The following TK1 variants were observed in gnomAD, a reference collection of about 807,000 sequenced individuals.
TK1 encodes thymidine kinase 1.
Under a neutral mutation model 22.4 loss-of-function variants are expected in TK1, and 13 were observed. That is an observed-to-expected ratio of 0.58 (90% CI 0.38 to 0.92). The LOEUF (loss-of-function observed/expected upper bound fraction) is 0.92, where lower values mean the gene tolerates loss of function less well. Ranked by LOEUF, TK1 falls within the 40% of genes least tolerant of loss-of-function variation. The pLI is 0.00. For synonymous variants in TK1, 134 were observed against 125.4 expected (o/e 1.07, Z -0.46); for missense variants, 251 against 315.7 (o/e 0.80, Z 1.55).
chr17:78,175,524 C>T lies in TK1; in HGVS notation c.393+5G>A, dbSNP rs1363230265. On this transcript the variant is annotated splice_donor_5th_base_variant and intron_variant, in intron 5 of 6. Transcript: ENST00000301634. ...CCAGCTCCAGACCTGGATCAGACGC[C>T]TTACCTTCCTCTGGAAGGTCCCATC... 6.2e-7 allele frequency: 1 copy of T among 1,612,618 alleles called. No homozygotes were observed. Among genetic ancestry groups the T allele is most frequent in the Non-Finnish European group, 8.5e-7 (1 of 1,179,370 alleles).
At chr17:78,179,436 T>C (rs769693130) in intron 4 of TK1, 1 of 985,308 alleles carries the variant, frequency 1.0e-6, no homozygotes, top group Non-Finnish European at 1.2e-6. Context: ...AGAAACGGAA[T>C]GGCCATACCC....
rs560357822 is a variant in TK1, at chr17:78,182,371, CAA to C, written c.303+216_303+217del. On this transcript the variant is annotated intron_variant, in intron 4 of 6. Transcript: ENST00000301634. Reference sequence around the variant, plus strand: ...GGGCAACAAGAGCAAAACTCCGTCTCAAAAAAAAAAAAAAAAAAGTAAAACGA... The same window carrying C: ...GGGCAACAAGAGCAAAACTCCGTCTCAAAAAAAAAAAAAAAAGTAAAACGA... Among the ~76,000 whole-genome samples, 502 of 82,212 alleles carry C rather than the reference CAA, an allele frequency of 6.1e-3. 2 individuals are homozygous for C. The highest frequency in any genetic ancestry group is 0.023 in the African/African-American group (443 of 18,944). The allele number at this position is 82,212 out of a possible 152,430, so 53.9% of individuals were successfully genotyped here.
rs2075771710 is a variant in TK1 at position 78,185,089 on chromosome 17, T to C, written c.175A>G (p.Thr59Ala). 6.2e-7 allele frequency: 1 copy of C among 1,610,164 alleles called. No homozygotes were observed. The highest frequency in any genetic ancestry group is 1.4e-5 in the African/African-American group (1 of 73,690). Residue 59 changes from threonine to alanine, a missense_variant, in exon 3 of 7, where the codon ACT (threonine) becomes GCT (alanine). By Grantham distance (58) the Thr-to-Ala change is moderately conservative. Transcript: ENST00000301634. Reference sequence around the variant, plus strand: ...GTGCAGAAGCTGCTGCTGTAGCGAGTGTCTTTGGCATACTTGATCACCAGG... The same window carrying C: ...GTGCAGAAGCTGCTGCTGTAGCGAGCGTCTTTGGCATACTTGATCACCAGG... ...KCLVIKYAKD[T>A]RYSSSFCTHD...
In TK1 at chr17:78,185,182, G is replaced by A. The variant is rs552553424; in HGVS notation, c.99-17C>T. The A allele has an allele frequency of 3.7e-6, 6 of 1,602,468 alleles. No individual in the cohort carries two copies. Among genetic ancestry groups the A allele is most frequent in the Non-Finnish European group, 5.1e-6 (6 of 1,170,224 alleles). Reference sequence around the variant, plus strand: ...AACTCTGTGCTGCAAGAGGAGAGAGGGTCAGGTGAGGTCCACGGCGGGAGG... The same window carrying A: ...AACTCTGTGCTGCAAGAGGAGAGAGAGTCAGGTGAGGTCCACGGCGGGAGG... On this transcript the variant is annotated splice_polypyrimidine_tract_variant and intron_variant, in intron 2 of 6. Coordinates refer to ENST00000301634, the MANE Select transcript of TK1 (RefSeq NM_003258.5).
chr17:78,179,397 G>A (rs1280656101), intron 4 of TK1: 1 of 985,216 alleles, frequency 1.0e-6, no homozygotes, highest in Admixed American at 6.2e-5. Flanking sequence ...AGAGGCATGG[G>A]GGTGCTCAGG....
At position 78,174,750 on chromosome 17, in the gene TK1, G is replaced by A. The variant is rs113646985; in HGVS notation, c.*9C>T. 119 of 1,587,048 alleles carry A rather than the reference G, an allele frequency of 7.5e-5. No homozygotes were observed. The highest frequency in any genetic ancestry group is 9.6e-5 in the Non-Finnish European group (112 of 1,167,422). On this transcript the variant is annotated 3_prime_UTR_variant, in exon 7 of 7. Transcript: ENST00000301634. Reference sequence around the variant, plus strand: ...GGCAGGAAGGGAGCGGGCGGCCCTCGCAGGTCCCTCAGTTGGCAGGGCTGC... The same window carrying A: ...GGCAGGAAGGGAGCGGGCGGCCCTCACAGGTCCCTCAGTTGGCAGGGCTGC...
At chr17:78,175,442 G>T in intron 5 of TK1, 87 bp downstream of exon 5, 1 of 1,355,920 alleles carries the variant, frequency 7.4e-7, no homozygotes, top group Non-Finnish European at 1.0e-6. Context: ...GCTGAGCCCT[G>T]GTCACCCAGA....
intron 4 of TK1, among the ~76,000 whole-genome samples, chr17:78,178,997 A>G (rs2075720354): frequency 6.6e-6 from 1 of 152,124 alleles, no homozygotes; most frequent in African/African-American, 2.4e-5. Flanking sequence ...AGACCGAGAA[A>G]TCCCTCCTAT....
chr17:78,182,849 G>A (rs2041457970), intron 3 of TK1, among the ~76,000 whole-genome samples, 167 bp from the exon 4 acceptor site: 1 of 152,202 alleles, frequency 6.6e-6, no homozygotes, highest in South Asian at 2.1e-4. Context: ...CCCTCGTCCA[G>A]AAAACCAGTT....
chr17:78,182,927 C>T (rs1195993075), intron 3 of TK1, among the ~76,000 whole-genome samples: 2 of 152,148 alleles, frequency 1.3e-5, no homozygotes, highest in South Asian at 2.1e-4. Context: ...GGCGCCATCT[C>T]GGCTCCCTGC....
chr17:78,182,595 C>T lies in TK1; in HGVS notation c.297G>A (p.Gly99=), dbSNP rs774952568. The change falls in exon 4 of 7, where the codon GGG becomes GGA. Residue 99 remains glycine (G), a synonymous_variant. Coordinates refer to ENST00000301634, the MANE Select transcript of TK1 (RefSeq NM_003258.5). ...LGVAVIGIDE[G]QFFPDIVEFC... ...CCAAGACAAGCCAACTTACAAACTG[C>T]CCCTCGTCGATGCCTATGACAGCCA... is the stretch of plus-strand genomic sequence containing the variant. The T allele has an allele frequency of 7.6e-6, 12 of 1,581,694 alleles. No individual in the cohort carries two copies. The highest frequency in any genetic ancestry group is 9.5e-6 in the Non-Finnish European group (11 of 1,163,810).
At position 78,174,543 on chromosome 17, in the gene TK1, C is replaced by T. The variant is rs2075683106; in HGVS notation, c.*216G>A. 5.0e-6 allele frequency: 3 copies of T among 594,550 alleles called. No individual in the cohort carries two copies. The highest frequency in any genetic ancestry group is 8.7e-6 in the Non-Finnish European group (3 of 346,170). The allele number at this position is 594,550 out of a possible 1,614,324, so 36.8% of individuals were successfully genotyped here. A position where few individuals can be genotyped will look rare whatever the true frequency, so the allele number is the denominator to read the frequency against. On this transcript the variant is annotated 3_prime_UTR_variant, in exon 7 of 7. Coordinates refer to ENST00000301634, the MANE Select transcript of TK1 (RefSeq NM_003258.5). ...CCAGCTCCAGCCTGGGCGATCGTCC[C>T]AGCAGCTGAGAGGGAAGCTTTAAGC...
chr17:78,182,684 T>G lies in TK1; in HGVS notation c.210-2A>C. The G allele has an allele frequency of 6.4e-7, 1 of 1,569,162 alleles. No homozygotes were observed. ...GCGGGCAGTGCCTCCATGGTGTTCCTGGGAAGAGAAAGCCAGAGCGTGAGC... is the reference window on the plus strand; with the variant it reads ...GCGGGCAGTGCCTCCATGGTGTTCCGGGGAAGAGAAAGCCAGAGCGTGAGC... On this transcript the variant is annotated splice_acceptor_variant, in intron 3 of 6. Transcript: ENST00000301634. LOFTEE classifies it high-confidence loss of function.
intron 4 of TK1, 91 bp downstream of exon 4, chr17:78,182,498 A>G (rs1422183157): frequency 1.2e-5 from 12 of 1,008,676 alleles, no homozygotes; most frequent in Non-Finnish European, 8.4e-6. Flanking sequence ...TATTTTACTA[A>G]AAGATCAGAT....
chr17:78,175,308 T>G, intron 5 of TK1, 139 bp from the exon 6 acceptor site: 1 of 1,295,770 alleles, frequency 7.7e-7, no homozygotes, highest in Non-Finnish European at 1.0e-6. Flanking sequence ...CAGAGCACCA[T>G]GCCCGGCTCT....
intron 4 of TK1, chr17:78,179,695 CTG>C (rs2075725414): frequency 1.0e-6 from 1 of 985,454 alleles, no homozygotes; most frequent in East Asian, 1.1e-4. Context: ...CGGCCTGGCT[CTG>C]TGCTGGGAGG....
At chr17:78,177,575 AT>A (rs148116384) in intron 4 of TK1, among the ~76,000 whole-genome samples, 49,569 of 143,524 alleles carry the variant, frequency 0.35, 7,917 homozygotes, top group South Asian at 0.52. Context: ...AAAAAGGTCT[AT>A]TTTTTTTTTT....
At chr17:78,176,758 C>T (rs942477470) in intron 4 of TK1, among the ~76,000 whole-genome samples, 6 of 152,224 alleles carry the variant, frequency 3.9e-5, no homozygotes, top group African/African-American at 1.4e-4. Context: ...CCATGGCTGC[C>T]ATTTGAGGCC....
chr17:78,186,132 G>GGGGT (rs754322447), intron 2 of TK1, among the ~76,000 whole-genome samples: 1 of 144,478 alleles, frequency 6.9e-6, no homozygotes, highest in African/African-American at 2.5e-5. Context: ...TGGAGGCGGG[G>GGGGT]GGGTGCACGC....
Sources: gnomAD v4.1 joint callset for allele counts (sites outside exome capture counted in the v4.1 genomes callset) on GRCh38, gnomAD v4.1.1 for gene constraint, MANE v1.5 for transcripts, NCBI Gene and HGNC (gene_info 2026-07-23, HGNC 2026-07-21) for gene names.